SGCG: variants seen among roughly 807,000 people sequenced by gnomAD.
SGCG encodes the protein gamma-sarcoglycan.
SGCG carries 26 observed loss-of-function variants against 29.3 expected under a neutral mutation model. The ratio of observed to expected loss-of-function variants is 0.89; its 90% CI spans 0.65 to 1.23. The LOEUF (loss-of-function observed/expected upper bound fraction) is 1.23. SGCG is among the 50% of genes most tolerant of loss of function. The probability of loss-of-function intolerance (pLI) is 0.00; values close to 1 mark genes in which losing one functional copy is unlikely to be tolerated. For missense variants in SGCG, 353 were observed against 356.0 expected (o/e 0.99, Z 0.07); for synonymous variants, 145 against 129.7 (o/e 1.12, Z -0.80).
the SGCG span, among the ~76,000 whole-genome samples, chr13:23,162,791 A>G: frequency 1.5e-4 from 23 of 151,846 alleles, no homozygotes; most frequent in South Asian, 4.2e-4. Context: ...GGTCGCACCA[A>G]TGCACTCCAG....
At chr13:23,188,823 G>A (rs1305190211) in intron 1 of SGCG, among the ~76,000 whole-genome samples, 1 of 152,118 alleles carries the variant, frequency 6.6e-6, no homozygotes, top group Admixed American at 6.5e-5. Flanking sequence ...TAAATGGGAG[G>A]AAGATGCCTG....
intron 4 of SGCG, among the ~76,000 whole-genome samples, chr13:23,252,127 C>T (rs749973638): frequency 6.6e-6 from 1 of 152,100 alleles, no homozygotes; most frequent in Non-Finnish European, 1.5e-5. Context: ...CCTGCATATA[C>T]GTTCTTAAGA....
chr13:23,216,370 G>A (rs1878428145), intron 2 of SGCG, among the ~76,000 whole-genome samples: 1 of 152,096 alleles, frequency 6.6e-6, no homozygotes. Flanking sequence ...TTCAAAAAAA[G>A]TGTAAATATG....
upstream of SGCG, among the ~76,000 whole-genome samples, chr13:23,177,822 G>T (rs1007453487): frequency 3.3e-5 from 5 of 151,722 alleles, no homozygotes; most frequent in African/African-American, 1.2e-4. Context: ...CAAGTGATCT[G>T]CTCACCTTGG....
chr13:23,220,209 T>C (rs1015011648), intron 2 of SGCG, among the ~76,000 whole-genome samples: 4 of 151,980 alleles, frequency 2.6e-5, no homozygotes, highest in South Asian at 2.1e-4. Context: ...TCCCAGCACT[T>C]TGGGAGGCCG....
At chr13:23,299,265 TCTGA>T (rs1358665644) in intron 6 of SGCG, among the ~76,000 whole-genome samples, 35 of 147,376 alleles carry the variant, frequency 2.4e-4, no homozygotes, top group Admixed American at 1.4e-4. Flanking sequence ...CTGAGATGCC[TCTGA>T]CTGATTATAT....
intron 4 of SGCG, among the ~76,000 whole-genome samples, chr13:23,262,268 C>A (rs1005334084): frequency 6.6e-6 from 1 of 151,588 alleles, no homozygotes; most frequent in Non-Finnish European, 1.5e-5. Context: ...CAGCAGACAA[C>A]ATGGAAGGAT....
At chr13:23,219,576 T>C (rs1195077273) in intron 2 of SGCG, among the ~76,000 whole-genome samples, 2 of 152,140 alleles carry the variant, frequency 1.3e-5, no homozygotes, top group African/African-American at 4.8e-5. Context: ...AGGGTGACTA[T>C]AGTAATAACA....
intron 6 of SGCG, among the ~76,000 whole-genome samples, chr13:23,314,769 TG>T (rs1294277257): frequency 1.3e-5 from 2 of 152,132 alleles, no homozygotes; most frequent in African/African-American, 4.8e-5. Flanking sequence ...GGTCCTGTGG[TG>T]TGGGGCCTGT....
At chr13:23,298,888 G>T (rs76231621) in intron 6 of SGCG, among the ~76,000 whole-genome samples, 9 of 152,244 alleles carry the variant, frequency 5.9e-5, no homozygotes, top group African/African-American at 2.2e-4. Flanking sequence ...TACTGAGGAA[G>T]GATTGAGCAA....
At chr13:23,290,455 A>T (rs542310776) in intron 5 of SGCG, among the ~76,000 whole-genome samples, 2 of 152,256 alleles carry the variant, frequency 1.3e-5, no homozygotes, top group African/African-American at 4.8e-5. Context: ...GTCAAGAGAG[A>T]CTATTTTCTC....
At position 23,197,128 on chromosome 13, in the gene SGCG, A is replaced by AT. The variant is rs145995843; in HGVS notation, c.1-6558dup. On this transcript the variant is annotated intron_variant, in intron 1 of 7. Coordinates refer to ENST00000218867, the MANE Select transcript of SGCG (RefSeq NM_000231.3). The stretch of plus-strand genomic sequence containing the variant: ...CTTGTGAATTATCTGTCACTAGCTC[A>AT]TTTTTTTTTGTTACTGTAGCACAAA... Among the ~76,000 whole-genome samples, 1,428 of 150,546 alleles carry AT rather than the reference A, an allele frequency of 9.5e-3. 21 individuals are homozygous for AT. The highest frequency in any genetic ancestry group is 0.033 in the African/African-American group (1,347 of 41,058).
At chr13:23,293,053 C>G (rs1881777522) in intron 5 of SGCG, among the ~76,000 whole-genome samples, 1 of 152,158 alleles carries the variant, frequency 6.6e-6, no homozygotes, top group South Asian at 2.1e-4. Context: ...ATCAGCAAAC[C>G]AGACATTGTA....
chr13:23,223,387 T>A (rs1878762634), intron 2 of SGCG, among the ~76,000 whole-genome samples: 1 of 152,032 alleles, frequency 6.6e-6, no homozygotes, highest in South Asian at 2.1e-4. Flanking sequence ...TAATGACTAA[T>A]AAATTAGGTT....
chr13:23,175,798 A>T, the SGCG span, among the ~76,000 whole-genome samples: 46,957 of 151,878 alleles, frequency 0.31, 7,514 homozygotes, highest in Non-Finnish European at 0.36. Context: ...TCAAATATTT[A>T]ATTGATATAA....
chr13:23,192,626 C>T (rs549553889), intron 1 of SGCG, among the ~76,000 whole-genome samples: 1 of 152,128 alleles, frequency 6.6e-6, no homozygotes, highest in East Asian at 1.9e-4. Flanking sequence ...AAACTCCTGA[C>T]CTCAGGTGAT....
At chr13:23,293,668 TA>T (rs1213813970) in intron 5 of SGCG, among the ~76,000 whole-genome samples, 2 of 152,006 alleles carry the variant, frequency 1.3e-5, no homozygotes, top group Non-Finnish European at 2.9e-5. Context: ...CTGTCTCTAC[TA>T]AAAATACAAA....
chr13:23,196,552 G>A (rs539295786), intron 1 of SGCG, among the ~76,000 whole-genome samples: 107 of 152,192 alleles, frequency 7.0e-4, no homozygotes, highest in Non-Finnish European at 1.2e-3. Context: ...AACATTTTTG[G>A]TATGTTTATT....
chr13:23,227,213 T>C (rs1267731922), intron 2 of SGCG, among the ~76,000 whole-genome samples: 1 of 152,112 alleles, frequency 6.6e-6, no homozygotes, highest in Non-Finnish European at 1.5e-5. Flanking sequence ...AGCAATCTTT[T>C]TGTGAAAATC....
Sources: gnomAD v4.1 joint callset for allele counts (sites outside exome capture counted in the v4.1 genomes callset) on GRCh38, gnomAD v4.1.1 for gene constraint, MANE v1.5 for transcripts, NCBI Gene and HGNC (gene_info 2026-07-23, HGNC 2026-07-21) for gene names.